TG: variants seen among roughly 807,000 people sequenced by gnomAD.
TG encodes thyroglobulin.
TG carries 270 observed loss-of-function variants against 324.7 expected under a neutral mutation model. That is an observed-to-expected ratio of 0.83 (90% CI 0.75 to 0.92). The LOEUF (loss-of-function observed/expected upper bound fraction) is 0.92. Among genes scored for constraint, TG ranks in the 40% least tolerant of loss-of-function variants. The pLI, the probability that TG is intolerant of heterozygous loss-of-function variation, is 0.00. For missense variants in TG, 3,591 were observed against 3,456.4 expected (o/e 1.04, Z -0.98); for synonymous variants, 1,401 against 1,327.0 (o/e 1.06, Z -1.21).
intron 18 of TG, among the ~76,000 whole-genome samples, chr8:132,910,680 A>T (rs1403837687): frequency 6.6e-6 from 1 of 152,202 alleles, no homozygotes; most frequent in Non-Finnish European, 1.5e-5. Context: ...CATGGCTGAC[A>T]TCTTGATCTT....
At position 133,116,610 on chromosome 8, in the gene TG, G is replaced by T. The variant is rs1489488581; in HGVS notation, c.7756G>T (p.Asp2586Tyr). 1 of 1,613,664 alleles carries T rather than the reference G, an allele frequency of 6.2e-7. No individual in the cohort carries two copies. Among genetic ancestry groups the T allele is most frequent in the African/African-American group, 1.3e-5 (1 of 74,932 alleles). Residue 2586 changes from aspartate to tyrosine, a missense_variant and splice_region_variant, in exon 45 of 48, where the codon GAC (aspartate) becomes TAC (tyrosine). By Grantham distance (160) the Asp-to-Tyr change is radical (BLOSUM62 -3). Coordinates refer to ENST00000220616, the MANE Select transcript of TG (RefSeq NM_003235.5). ...FSRALENATR[D>Y]YFIICPIIDM... is the part of the protein sequence containing the mutation. The stretch of plus-strand genomic sequence containing the variant: ...CCCCCCATGTTCTCTTTTCACCAGG[G>T]ACTACTTTATCATCTGCCCTATAAT...
chr8:132,903,366 A>G (rs902537687), intron 16 of TG, among the ~76,000 whole-genome samples: 2 of 152,140 alleles, frequency 1.3e-5, no homozygotes, highest in Non-Finnish European at 2.9e-5. Context: ...GAAGATTCCT[A>G]ATTCTTGCCG....
intron 37 of TG, among the ~76,000 whole-genome samples, chr8:133,014,676 C>G (rs188141587): frequency 6.6e-6 from 1 of 152,188 alleles, no homozygotes; most frequent in Non-Finnish European, 1.5e-5. Context: ...GATTTGGCCC[C>G]ATGCTGTCCT....
intron 45 of TG, among the ~76,000 whole-genome samples, chr8:133,117,857 A>G (rs1402753838): frequency 6.6e-6 from 1 of 152,226 alleles, no homozygotes; most frequent in East Asian, 1.9e-4. Flanking sequence ...GTGGGGGTCC[A>G]GCCACACCAT....
At chr8:133,048,825 T>G (rs1045024213) in intron 41 of TG, 3 of 173,210 alleles carry the variant, frequency 1.7e-5, no homozygotes, top group East Asian at 3.2e-4. Context: ...GCATCTGGTA[T>G]TCACAATTAA....
intron 33 of TG, 147 bp from the exon 34 acceptor site, chr8:132,972,451 A>G (rs926563299): frequency 3.8e-5 from 34 of 903,578 alleles, no homozygotes; most frequent in Non-Finnish European, 5.5e-5. Context: ...GTTTTTCAGC[A>G]GTGGCTGAGA....
At chr8:132,973,905 C>G (rs552078697) in intron 34 of TG, among the ~76,000 whole-genome samples, 1 of 151,568 alleles carries the variant, frequency 6.6e-6, no homozygotes, top group East Asian at 1.9e-4. Context: ...TCTTACTTAG[C>G]ACTTGCCCTA....
chr8:133,131,531 T>G (rs1851948086), intron 45 of TG, among the ~76,000 whole-genome samples: 1 of 152,204 alleles, frequency 6.6e-6, no homozygotes, highest in Admixed American at 6.5e-5. Context: ...ATCATTGTGT[T>G]GGGAGGTTTC....
intron 5 of TG, among the ~76,000 whole-genome samples, chr8:132,879,935 G>T (rs1382078429): frequency 1.3e-5 from 2 of 152,236 alleles, no homozygotes; most frequent in Non-Finnish European, 2.9e-5. Context: ...GGTTGAATTA[G>T]CGAAGCATGG....
chr8:132,879,660 C>A (rs1347251719), intron 5 of TG, among the ~76,000 whole-genome samples: 2 of 152,176 alleles, frequency 1.3e-5, no homozygotes, highest in Non-Finnish European at 2.9e-5. Context: ...GCCCAGAAGG[C>A]AGTAACTGGC....
At chr8:132,929,542 T>G (rs1161766154) in intron 23 of TG, among the ~76,000 whole-genome samples, 2 of 152,206 alleles carry the variant, frequency 1.3e-5, no homozygotes, top group African/African-American at 4.8e-5. Flanking sequence ...GAGCAATGTA[T>G]GTTTACAAGG....
intron 41 of TG, among the ~76,000 whole-genome samples, chr8:133,085,568 AG>A (rs1176083994): frequency 6.6e-6 from 1 of 152,232 alleles, no homozygotes; most frequent in East Asian, 1.9e-4. Context: ...ATTTCTCCAA[AG>A]AAGATGTACA....
intron 41 of TG, among the ~76,000 whole-genome samples, chr8:133,091,922 C>T (rs66555610): frequency 0.41 from 62,512 of 151,202 alleles, 13,819 homozygotes; most frequent in Non-Finnish European, 0.48. Flanking sequence ...TCTGTGGCTA[C>T]GTCTGTGTGT....
chr8:133,010,287 T>A (rs1201546257), intron 35 of TG, among the ~76,000 whole-genome samples: 1 of 152,196 alleles, frequency 6.6e-6, no homozygotes, highest in African/African-American at 2.4e-5. Flanking sequence ...AACCCCTCAT[T>A]TGGGTGCTTT....
chr8:132,972,201 CT>C (rs1216629838), intron 33 of TG: 1 of 453,108 alleles, frequency 2.2e-6, no homozygotes, highest in Non-Finnish European at 4.1e-6. Context: ...GTACTTAATG[CT>C]TGGTTGATTC....
At chr8:133,029,678 G>T in intron 40 of TG, 143 bp from the exon 41 acceptor site, 2 of 970,274 alleles carry the variant, frequency 2.1e-6, no homozygotes, top group East Asian at 2.6e-5. Context: ...CACTGTATTT[G>T]GAACCCACAG....
intron 27 of TG, among the ~76,000 whole-genome samples, chr8:132,953,937 A>G (rs1248579606): frequency 6.6e-6 from 1 of 152,122 alleles, no homozygotes; most frequent in Non-Finnish European, 1.5e-5. Context: ...TGAAGTGCAA[A>G]TGAATGGAAA....
intron 45 of TG, among the ~76,000 whole-genome samples, chr8:133,127,348 C>G (rs1456064174): frequency 6.6e-6 from 1 of 152,170 alleles, no homozygotes; most frequent in East Asian, 1.9e-4. Context: ...TTTTGGCTCG[C>G]TGGGGTGCAG....
intron 5 of TG, among the ~76,000 whole-genome samples, chr8:132,873,981 C>T (rs1037181827): frequency 3.2e-4 from 49 of 151,970 alleles, no homozygotes; most frequent in African/African-American, 1.2e-3. Context: ...CCAGCCTGGC[C>T]AATATGGCGA....
Sources: gnomAD v4.1 joint callset for allele counts (sites outside exome capture counted in the v4.1 genomes callset) on GRCh38, gnomAD v4.1.1 for gene constraint, MANE v1.5 for transcripts, NCBI Gene and HGNC (gene_info 2026-07-23, HGNC 2026-07-21) for gene names.